Variants in GLT1D1 observed in about 807,000 individuals in gnomAD.
The protein encoded by GLT1D1 is glycosyltransferase 1 domain containing 1, also known as glycosyltransferase 1 domain-containing protein 1.
A neutral mutation model predicts 28.7 loss-of-function variants in GLT1D1; 21 were observed. That is an observed-to-expected ratio of 0.73 (90% CI 0.52 to 1.05). The LOEUF is 1.05. Among genes scored for constraint, GLT1D1 ranks in the 50% least tolerant of loss-of-function variants. The probability of loss-of-function intolerance (pLI) is 0.00; values close to 1 mark genes in which losing one functional copy is unlikely to be tolerated. For synonymous variants in GLT1D1, 147 were observed against 124.8 expected (o/e 1.18, Z -1.19); for missense variants, 343 against 330.6 (o/e 1.04, Z -0.29).
rs531927912 is a variant in GLT1D1 at position 128,888,619 on chromosome 12, T to C, written c.218-20T>C. 1.1e-5 allele frequency: 17 copies of C among 1,547,642 alleles called. No individual in the cohort carries two copies. The South Asian group carries it at 1.8e-4, about 16-fold the overall frequency. On this transcript the variant is annotated intron_variant, in intron 2 of 7. Transcript: ENST00000281703. ...GTTTTTAGGGCTAAATTCTGCTTTGTGACTGTCATCGTTTTGCAGGCCACC... is the reference window on the plus strand; with the variant it reads ...GTTTTTAGGGCTAAATTCTGCTTTGCGACTGTCATCGTTTTGCAGGCCACC...
intron 5 of GLT1D1, among the ~76,000 whole-genome samples, chr12:128,946,071 T>TC (rs1158804623): frequency 3.3e-5 from 5 of 152,134 alleles, no homozygotes; most frequent in Non-Finnish European, 4.4e-5. Flanking sequence ...GACTGTTTTT[T>TC]CCCCATCTAT....
At chr12:128,980,154 A>G (rs1413805374) in intron 7 of GLT1D1, among the ~76,000 whole-genome samples, 1 of 152,234 alleles carries the variant, frequency 6.6e-6, no homozygotes, top group Non-Finnish European at 1.5e-5. Flanking sequence ...CGAGGGAGCC[A>G]CATCCCGGGA....
Position 128,957,572 on chromosome 12 carries a change from G to T in GLT1D1, c.568G>T (p.Ala190Ser), listed in dbSNP as rs1351874472. The T allele has an allele frequency of 1.2e-6, 2 of 1,613,482 alleles. No individual in the cohort carries two copies. The highest frequency in any genetic ancestry group is 1.7e-6 in the Non-Finnish European group (2 of 1,179,642). Residue 190 changes from alanine (A) to serine (S), a missense_variant, in exon 7 of 8, where the codon GCC (alanine) becomes TCC (serine). Ala to Ser is a moderately conservative substitution (Grantham distance 99, BLOSUM62 1). Transcript: ENST00000281703. ...AATGGATTTAGAAGTACCGGTATTG[G>T]CCAGGAACATCCCCGGGAATGCTGC...
intron 7 of GLT1D1, among the ~76,000 whole-genome samples, chr12:128,970,349 C>A (rs961248119): frequency 1.3e-5 from 2 of 152,224 alleles, no homozygotes; most frequent in African/African-American, 4.8e-5. Context: ...CCATCTGTCC[C>A]ACTTCTCCTG....
chr12:128,881,561 A>AATATATATATATATATATAT (rs1174737837), intron 2 of GLT1D1, among the ~76,000 whole-genome samples: 15 of 33,710 alleles, frequency 4.4e-4, no homozygotes, highest in South Asian at 1.4e-3. Context: ...AAAAAAAAAA[A>AATATATATATATATATATAT]ATATATATAT....
intron 7 of GLT1D1, among the ~76,000 whole-genome samples, chr12:128,980,046 G>A (rs528140056): frequency 1.3e-5 from 2 of 152,362 alleles, no homozygotes; most frequent in South Asian, 2.1e-4. Context: ...ACCATCATAA[G>A]TCGGGACTGT....
intron 2 of GLT1D1, among the ~76,000 whole-genome samples, chr12:128,881,172 C>G (rs1265333531): frequency 7.3e-6 from 1 of 136,348 alleles, no homozygotes; most frequent in Non-Finnish European, 1.5e-5. Flanking sequence ...TGCAGTGAGC[C>G]GAGATCCTGC....
At chr12:128,921,205 T>G (rs1427278528) in intron 4 of GLT1D1, among the ~76,000 whole-genome samples, 1 of 152,156 alleles carries the variant, frequency 6.6e-6, no homozygotes, top group East Asian at 1.9e-4. Flanking sequence ...TTTTTTTTTT[T>G]TAACCTAGAG....
At chr12:128,912,664 T>C (rs1409606601) in intron 4 of GLT1D1, among the ~76,000 whole-genome samples, 1 of 146,232 alleles carries the variant, frequency 6.8e-6, no homozygotes, top group African/African-American at 2.7e-5. Context: ...AAATGGCTAC[T>C]TTTTTTTTTC....
rs1875930749 is a variant in GLT1D1 at position 128,945,346 on chromosome 12, G to A, written c.396G>A (p.Arg132=). The A allele has an allele frequency of 6.2e-7, 1 of 1,614,112 alleles. No individual in the cohort carries two copies. Among genetic ancestry groups the A allele is most frequent in the Non-Finnish European group, 8.5e-7 (1 of 1,179,948 alleles). ...TTCAGGTCGATCCAGTGTTTACAAG[G>A]GAAGTGAAAGCCAAAGTGAAAAGGT... Residue 132 remains arginine, a synonymous_variant, in exon 5 of 8, where the codon AGG becomes AGA. Coordinates refer to ENST00000281703, the MANE Select transcript of GLT1D1 (RefSeq NM_144669.3).
intron 4 of GLT1D1, among the ~76,000 whole-genome samples, chr12:128,924,845 A>G (rs1218807375): frequency 2.6e-5 from 4 of 152,092 alleles, no homozygotes; most frequent in African/African-American, 9.7e-5. Flanking sequence ...CTTGGAAATC[A>G]CATATGGCCA....
chr12:128,937,699 G>A (rs551677839), intron 4 of GLT1D1, among the ~76,000 whole-genome samples: 4 of 152,180 alleles, frequency 2.6e-5, no homozygotes, highest in South Asian at 2.1e-4. Context: ...AATCATGGGG[G>A]TGGTTACCCT....
At chr12:128,927,484 C>T (rs188440574) in intron 4 of GLT1D1, among the ~76,000 whole-genome samples, 20 of 109,024 alleles carry the variant, frequency 1.8e-4, no homozygotes, top group African/African-American at 4.2e-4. Flanking sequence ...GTGATCCACA[C>T]GCCTCGGCCT....
intron 4 of GLT1D1, among the ~76,000 whole-genome samples, chr12:128,922,922 C>CAAA (rs149775593): frequency 9.2e-5 from 9 of 97,596 alleles, no homozygotes; most frequent in African/African-American, 3.2e-4. Context: ...GACTCCATCT[C>CAAA]AAAAAAAAAA....
intron 2 of GLT1D1, among the ~76,000 whole-genome samples, chr12:128,888,279 GCC>G (rs1868623631): frequency 2.6e-5 from 4 of 152,166 alleles, no homozygotes; most frequent in Admixed American, 2.6e-4. Context: ...AGTTTGGAGA[GCC>G]CTTTTTTTGT....
At chr12:128,973,714 C>T (rs959621298) in intron 7 of GLT1D1, among the ~76,000 whole-genome samples, 1 of 152,096 alleles carries the variant, frequency 6.6e-6, no homozygotes, top group Non-Finnish European at 1.5e-5. Context: ...CACCAACCCC[C>T]AAAGCACACC....
chr12:128,859,915 G>C (rs1462048661), intron 1 of GLT1D1, among the ~76,000 whole-genome samples: 2 of 152,164 alleles, frequency 1.3e-5, no homozygotes, highest in South Asian at 2.1e-4. Flanking sequence ...TGACAGAATG[G>C]AATAATGTGT....
chr12:128,958,495 C>A (rs934203953), intron 7 of GLT1D1, among the ~76,000 whole-genome samples: 1 of 148,568 alleles, frequency 6.7e-6, no homozygotes, highest in Non-Finnish European at 1.5e-5. Flanking sequence ...AATCCCAGCA[C>A]TTTGGGAGGC....
intron 7 of GLT1D1, among the ~76,000 whole-genome samples, chr12:128,976,251 C>T (rs1050503367): frequency 6.6e-6 from 1 of 152,180 alleles, no homozygotes; most frequent in African/African-American, 2.4e-5. Context: ...AGGCTTCCTG[C>T]AATCCCCTGG....
Sources: allele counts gnomAD v4.1 joint callset (sites outside exome capture counted in the v4.1 genomes callset), GRCh38; gene constraint gnomAD v4.1.1; transcripts MANE v1.5; gene names NCBI Gene and HGNC (gene_info 2026-07-23, HGNC 2026-07-21).